The following ZNF555 variants were observed in gnomAD, a reference collection of about 807,000 sequenced individuals.
ZNF555 encodes the protein zinc finger protein 555.
In ZNF555, 10 loss-of-function variants were observed where a neutral mutation model predicts 14.0. The ratio of observed to expected loss-of-function variants is 0.72; its 90% CI spans 0.44 to 1.21. The LOEUF is 1.21. Among genes scored for constraint, ZNF555 ranks in the 50% most tolerant of loss-of-function variants. The pLI, the probability that ZNF555 is intolerant of heterozygous loss-of-function variation, is 0.00. For synonymous variants in ZNF555, 277 were observed against 262.4 expected, an observed-to-expected ratio of 1.06 and a Z score of -0.54; for missense variants, 747 against 762.0, an observed-to-expected ratio of 0.98 and a Z score of 0.23.
At chr19:2,843,200 G>T (rs1370724384) in intron 1 of ZNF555, among the ~76,000 whole-genome samples, 1 of 152,164 alleles carries the variant, frequency 6.6e-6, no homozygotes, top group Non-Finnish European at 1.5e-5. Flanking sequence ...TGGGAGCTCT[G>T]TTGCCCATGC....
chr19:2,847,113 CT>C (rs1568342314), intron 1 of ZNF555: 1 of 152,198 alleles, frequency 6.6e-6, no homozygotes, highest in African/African-American at 2.4e-5. Context: ...AAACAAAAAA[CT>C]GATTGAGATG....
At chr19:2,849,015 A>T (rs1387928395) in intron 1 of ZNF555, among the ~76,000 whole-genome samples, 1 of 152,178 alleles carries the variant, frequency 6.6e-6, no homozygotes, top group Non-Finnish European at 1.5e-5. Flanking sequence ...CTTTATTATT[A>T]AAAAACACTG....
chr19:2,853,667 G>A lies in ZNF555; in HGVS notation c.1602G>A (p.Lys534=), dbSNP rs755312631. 1 of 1,584,698 alleles carries A rather than the reference G, an allele frequency of 6.3e-7. No individual in the cohort carries two copies. Among genetic ancestry groups the A allele is most frequent in the East Asian group, 2.2e-5 (1 of 44,726 alleles). The change falls in exon 4 of 4, where the codon AAG becomes AAA. Residue 534 remains lysine, a synonymous_variant. Coordinates refer to ENST00000334241, the MANE Select transcript of ZNF555 (RefSeq NM_152791.5). ...QQHVRTHTVE[K]PYECKECGKV... ...ATGTGAGAACGCACACTGTAGAGAAGCCCTATGAATGTAAGGAATGTGGGA... is the reference window on the plus strand; with the variant it reads ...ATGTGAGAACGCACACTGTAGAGAAACCCTATGAATGTAAGGAATGTGGGA...
At position 2,856,854 on chromosome 19, in the gene ZNF555, TAAA is replaced by T. The variant is rs2087687185; in HGVS notation, c.*2903_*2905del. The T allele has an allele frequency of 6.6e-6, 1 of 152,164 alleles. No individual in the cohort carries two copies. Among genetic ancestry groups the T allele is most frequent in the African/African-American group, 2.4e-5 (1 of 41,428 alleles). 9.4% of individuals were successfully genotyped at this position (152,164 alleles called of 1,614,324 possible). On this transcript the variant is annotated 3_prime_UTR_variant, in exon 4 of 4. Coordinates refer to ENST00000334241, the MANE Select transcript of ZNF555 (RefSeq NM_152791.5). ...TTAATTGGAGCTGAAAACTAATCAG[TAAA>T]GCCACAGCAGCCAGTCATATGGGGG...
At chr19:2,841,646 G>C (rs910731230) in intron 1 of ZNF555, 71 bp downstream of exon 1, 4 of 1,426,792 alleles carry the variant, frequency 2.8e-6, no homozygotes, top group Non-Finnish European at 3.7e-6. Context: ...ACCGCGGCTT[G>C]GGGGGAGCTG....
chr19:2,857,258 C>T lies in ZNF555; in HGVS notation c.*3306C>T, dbSNP rs557967401. 1 of 152,304 alleles carries T rather than the reference C, an allele frequency of 6.6e-6. No homozygotes were observed. The highest frequency in any genetic ancestry group is 1.9e-4 in the East Asian group (1 of 5,188). The allele number at this position is 152,304 out of a possible 1,614,324, so 9.4% of individuals were successfully genotyped here. A position where few individuals can be genotyped will look rare whatever the true frequency, so the allele number is the denominator to read the frequency against. On this transcript the variant is annotated 3_prime_UTR_variant, in exon 4 of 4. Transcript: ENST00000334241. ...TTAACACCCACTTACCCATCATTCCCTCTTAGATGAAAAAAGTTAAGCACG... is the reference window on the plus strand; with the variant it reads ...TTAACACCCACTTACCCATCATTCCTTCTTAGATGAAAAAAGTTAAGCACG...
At chr19:2,843,673 C>A (rs185110964) in intron 1 of ZNF555, among the ~76,000 whole-genome samples, 1 of 152,244 alleles carries the variant, frequency 6.6e-6, no homozygotes, top group Admixed American at 6.5e-5. Flanking sequence ...ACTGCAGTAC[C>A]CTTACCTTAA....
chr19:2,841,706 G>A (rs2087537892), intron 1 of ZNF555, 131 bp downstream of exon 1: 6 of 1,124,912 alleles, frequency 5.3e-6, no homozygotes, highest in Non-Finnish European at 2.3e-6. Context: ...CGGGAGCCTG[G>A]GCCCCGGGGG....
At chr19:2,850,259 C>A (rs1220336631) in intron 1 of ZNF555, among the ~76,000 whole-genome samples, 1 of 152,176 alleles carries the variant, frequency 6.6e-6, no homozygotes, top group East Asian at 1.9e-4. Flanking sequence ...GTTTGTGTGA[C>A]AAGGCACTGA....
intron 1 of ZNF555, among the ~76,000 whole-genome samples, chr19:2,843,705 G>T (rs937039872): frequency 3.3e-5 from 5 of 152,050 alleles, no homozygotes; most frequent in African/African-American, 1.2e-4. Context: ...ATTTTTTGTT[G>T]TTCCTGAAAT....
chr19:2,850,440 G>A (rs953542711), intron 1 of ZNF555, 147 bp from the exon 2 acceptor site: 6 of 1,108,732 alleles, frequency 5.4e-6, no homozygotes, highest in Non-Finnish European at 6.4e-6. Flanking sequence ...AGTGAGTGTA[G>A]ACAGGAAGGA....
rs2087714077 is a variant in ZNF555, at chr19:2,859,524, G to A, written c.*5572G>A. On this transcript the variant is annotated 3_prime_UTR_variant, in exon 4 of 4. Transcript: ENST00000334241. ...ACTGCAAAAAAGGACAGGGCAGCTG[G>A]GCGAGGAAGAGATACCAGTGATGTC... The A allele has an allele frequency of 6.6e-6, 1 of 152,292 alleles. No homozygotes were observed. The highest frequency in any genetic ancestry group is 2.4e-5 in the African/African-American group (1 of 41,402). 9.4% of individuals were successfully genotyped at this position (152,292 alleles called of 1,614,324 possible). A position where few individuals can be genotyped will look rare whatever the true frequency, so the allele number is the denominator to read the frequency against.
rs2087663770 is a variant in ZNF555 at position 2,854,053 on chromosome 19, C to G, written c.*101C>G. ...AATTCTCCAAATACTCTCAGCTATC[C>G]TACATGAATTTGAACAGGTAGTTTC... On this transcript the variant is annotated 3_prime_UTR_variant, in exon 4 of 4. Transcript: ENST00000334241. The G allele has an allele frequency of 7.0e-7, 1 of 1,434,308 alleles. No homozygotes were observed. The highest frequency in any genetic ancestry group is 2.1e-5 in the Admixed American group (1 of 47,734). 88.8% of individuals were successfully genotyped at this position (1,434,308 alleles called of 1,614,324 possible).
chr19:2,850,099 A>T (rs934050162), intron 1 of ZNF555, among the ~76,000 whole-genome samples: 1 of 152,234 alleles, frequency 6.6e-6, no homozygotes, highest in Non-Finnish European at 1.5e-5. Flanking sequence ...GGAGTTCTTT[A>T]AGACGCTATG....
At position 2,854,989 on chromosome 19, in the gene ZNF555, T is replaced by C. The variant is rs984505132; in HGVS notation, c.*1037T>C. 2.6e-5 allele frequency: 4 copies of C among 152,190 alleles called. No individual in the cohort carries two copies. The highest frequency in any genetic ancestry group is 6.5e-5 in the Admixed American group (1 of 15,278). 9.4% of individuals were successfully genotyped at this position (152,190 alleles called of 1,614,324 possible). A position where few individuals can be genotyped will look rare whatever the true frequency, so the allele number is the denominator to read the frequency against. Reference sequence around the variant, plus strand: ...AGTGAACACCTTGTTATCTTAATACTTCCAGTGGCTCTGTGATCCTGATTC... The same window carrying C: ...AGTGAACACCTTGTTATCTTAATACCTCCAGTGGCTCTGTGATCCTGATTC... On this transcript the variant is annotated 3_prime_UTR_variant, in exon 4 of 4. Coordinates refer to ENST00000334241, the MANE Select transcript of ZNF555 (RefSeq NM_152791.5).
In ZNF555 at chr19:2,852,868, C is replaced by T; in HGVS notation, c.803C>T (p.Ser268Phe). Residue 268 changes from serine to phenylalanine, a missense_variant, in exon 4 of 4, where the codon TCC becomes TTC. Ser to Phe is a radical substitution (Grantham distance 155, BLOSUM62 -2). Transcript: ENST00000334241. ...CKECGKAFSYSSTFRRHTITH... is the reference protein window; with the variant it reads ...CKECGKAFSYFSTFRRHTITH... ...GAATGTGGGAAAGCTTTCAGTTATTCCTCAACGTTTCGAAGACACACAATA... is the reference window on the plus strand; with the variant it reads ...GAATGTGGGAAAGCTTTCAGTTATTTCTCAACGTTTCGAAGACACACAATA... The T allele has an allele frequency of 6.2e-7, 1 of 1,614,172 alleles. No homozygotes were observed. Among genetic ancestry groups the T allele is most frequent in the Non-Finnish European group, 8.5e-7 (1 of 1,180,032 alleles).
At chr19:2,849,207 CT>C (rs2087607432) in intron 1 of ZNF555, among the ~76,000 whole-genome samples, 1 of 151,908 alleles carries the variant, frequency 6.6e-6, no homozygotes, top group Non-Finnish European at 1.5e-5. Context: ...GTTGATCTTT[CT>C]CAGCAGGTTT....
chr19:2,844,263 C>T (rs1350970063), intron 1 of ZNF555, among the ~76,000 whole-genome samples: 3 of 152,062 alleles, frequency 2.0e-5, no homozygotes, highest in African/African-American at 4.8e-5. Flanking sequence ...CCACCACGCC[C>T]AGCTAATTTT....
intron 1 of ZNF555, chr19:2,847,444 GTAAC>G (rs1363028721): frequency 4.6e-5 from 7 of 152,334 alleles, no homozygotes; most frequent in South Asian, 2.1e-4. Context: ...GTATGCGTAT[GTAAC>G]TAACCTGCAC....
Sources: allele counts gnomAD v4.1 joint callset (sites outside exome capture counted in the v4.1 genomes callset), GRCh38; gene constraint gnomAD v4.1.1; transcripts MANE v1.5; gene names NCBI Gene and HGNC (gene_info 2026-07-23, HGNC 2026-07-21).